The following SCPEP1 variants were observed in gnomAD, a reference collection of about 807,000 sequenced individuals.
The protein encoded by SCPEP1 is serine carboxypeptidase 1, also known as retinoid-inducible serine carboxypeptidase.
In SCPEP1, 51 loss-of-function variants were observed where a neutral mutation model predicts 63.8. The ratio of observed to expected loss-of-function variants is 0.80; its 90% CI spans 0.64 to 1.01. The LOEUF is 1.01. Among genes scored for constraint, SCPEP1 ranks in the 50% least tolerant of loss-of-function variants. SCPEP1 has a pLI of 0.00. For synonymous variants in SCPEP1, 204 were observed against 207.8 expected, an observed-to-expected ratio of 0.98 and a Z score of 0.16; for missense variants, 499 against 554.9, an observed-to-expected ratio of 0.90 and a Z score of 1.01.
At chr17:56,994,505 A>G (rs1353300095) in intron 6 of SCPEP1, among the ~76,000 whole-genome samples, 2 of 152,228 alleles carry the variant, frequency 1.3e-5, no homozygotes, top group Non-Finnish European at 2.9e-5. Context: ...AGCCATTTGC[A>G]CTGTTGCAAA....
At chr17:56,988,576 CAT>C (rs201920705) in intron 5 of SCPEP1, among the ~76,000 whole-genome samples, 1 of 151,846 alleles carries the variant, frequency 6.6e-6, no homozygotes, top group East Asian at 1.9e-4. Context: ...AACACACACA[CAT>C]ATATATGTAT....
rs1466175820 is a variant in SCPEP1 at position 56,991,156 on chromosome 17, T to C, written c.604T>C (p.Trp202Arg). The C allele has an allele frequency of 6.2e-7, 1 of 1,613,584 alleles. No homozygotes were observed. Among genetic ancestry groups the C allele is most frequent in the Non-Finnish European group, 8.5e-7 (1 of 1,179,478 alleles). ...NFAGVALGDS[W>R]ISPVDSVLSW... Reference sequence around the variant, plus strand: ...TGCGGGGGTTGCCTTGGGTGATTCCTGGATCTCCCCTGTTGGTAAGTGTGG... The same window carrying C: ...TGCGGGGGTTGCCTTGGGTGATTCCCGGATCTCCCCTGTTGGTAAGTGTGG... Residue 202 changes from tryptophan (W) to arginine (R), a missense_variant, in exon 6 of 13, where the codon TGG becomes CGG. Trp to Arg is a moderately radical substitution (Grantham distance 101). Coordinates refer to ENST00000262288, the MANE Select transcript of SCPEP1 (RefSeq NM_021626.3).
chr17:57,001,097 C>G, intron 11 of SCPEP1, 105 bp downstream of exon 11: 2 of 1,217,440 alleles, frequency 1.6e-6, no homozygotes, highest in Non-Finnish European at 2.4e-6. Context: ...GTTGAAATGC[C>G]AGGTGGAAGG....
At position 56,991,161 on chromosome 17, in the gene SCPEP1, C is replaced by T. The variant is rs775331427; in HGVS notation, c.609C>T (p.Ile203=). ...GGGTTGCCTTGGGTGATTCCTGGAT[C>T]TCCCCTGTTGGTAAGTGTGGCATTT... ...FAGVALGDSW[I]SPVDSVLSWG... Residue 203 remains isoleucine (I), a synonymous_variant, in exon 6 of 13, where the codon ATC becomes ATT. Coordinates refer to ENST00000262288, the MANE Select transcript of SCPEP1 (RefSeq NM_021626.3). The T allele has an allele frequency of 1.6e-5, 26 of 1,613,458 alleles. No homozygotes were observed. Among genetic ancestry groups the T allele is most frequent in the Non-Finnish European group, 2.2e-5 (26 of 1,179,520 alleles).
Position 56,988,305 on chromosome 17 carries a change from C to T in SCPEP1, c.546+15C>T. 1.9e-6 allele frequency: 3 copies of T among 1,593,242 alleles called. No individual in the cohort carries two copies. In the South Asian group the frequency reaches 3.4e-5, roughly 18 times the overall value. ...AGCTTTATAAGGTAATGGAAAATAA[C>T]TTTGTTGTTATGGTTTTGGACAGAA... On this transcript the variant is annotated intron_variant, in intron 5 of 12. Coordinates refer to ENST00000262288, the MANE Select transcript of SCPEP1 (RefSeq NM_021626.3).
intron 2 of SCPEP1, chr17:56,982,687 C>G (rs1248365268): frequency 6.6e-6 from 1 of 152,096 alleles, no homozygotes; most frequent in African/African-American, 2.4e-5. Context: ...CCTTGGCTGT[C>G]TAATCTGGGA....
In SCPEP1 at chr17:56,987,721, G is replaced by A; in HGVS notation, c.342G>A (p.Val114=). The part of the protein sequence containing the change: ...TWLQAASLLF[V]DNPVGTGFSY... ...TCCAGGCTGCCAGTCTCCTATTTGT[G>A]GATAATCCCGTGGGCACTGGGTTCA... The change falls in exon 4 of 13, where the codon GTG becomes GTA. Residue 114 remains valine, a synonymous_variant. Coordinates refer to ENST00000262288, the MANE Select transcript of SCPEP1 (RefSeq NM_021626.3). The A allele has an allele frequency of 6.2e-7, 1 of 1,613,888 alleles. No homozygotes were observed.
intron 9 of SCPEP1, chr17:56,997,933 G>A (rs1256322885): frequency 1.2e-5 from 2 of 162,100 alleles, no homozygotes; most frequent in African/African-American, 4.8e-5. Context: ...TCCTCCCGCT[G>A]GGGGTGAATC....
chr17:56,980,497 C>G (rs540185256), intron 1 of SCPEP1, among the ~76,000 whole-genome samples: 52 of 152,240 alleles, frequency 3.4e-4, no homozygotes, highest in African/African-American at 1.1e-3. Flanking sequence ...ATATAAATCT[C>G]TCTTGTTTTT....
chr17:57,000,865 C>CA lies in SCPEP1; in HGVS notation c.1007dup (p.Asn336LysfsTer16). 1 of 1,614,120 alleles carries CA rather than the reference C, an allele frequency of 6.2e-7. No individual in the cohort carries two copies. The highest frequency in any genetic ancestry group is 8.5e-7 in the Non-Finnish European group (1 of 1,180,044). ...CTTCCCCATGTGCAGGCCAGGCTAC[C>CA]AACGTCTTTGTGAACATGGAGGAGG... On this transcript the variant is annotated frameshift_variant, in exon 11 of 13. Transcript: ENST00000262288. LOFTEE classifies it high-confidence loss of function.
At chr17:56,997,421 A>G (rs940382038) in intron 9 of SCPEP1, among the ~76,000 whole-genome samples, 1 of 152,216 alleles carries the variant, frequency 6.6e-6, no homozygotes, top group Non-Finnish European at 1.5e-5. Context: ...ACATAGCATG[A>G]TGTTTTTGAA....
intron 3 of SCPEP1, among the ~76,000 whole-genome samples, chr17:56,986,067 C>T (rs997596263): frequency 6.6e-6 from 1 of 152,116 alleles, no homozygotes; most frequent in African/African-American, 2.4e-5. Context: ...CACCCTGGGG[C>T]TGCTGCACAG....
chr17:56,982,509 A>T (rs1309911437), intron 2 of SCPEP1, among the ~76,000 whole-genome samples: 1 of 152,178 alleles, frequency 6.6e-6, no homozygotes, highest in Non-Finnish European at 1.5e-5. Flanking sequence ...GAACCCTTGT[A>T]TGTCAGCCTG....
intron 5 of SCPEP1, among the ~76,000 whole-genome samples, chr17:56,990,601 T>C (rs1911365036): frequency 6.6e-6 from 1 of 152,236 alleles, no homozygotes; most frequent in South Asian, 2.1e-4. Context: ...CTCAACTTTC[T>C]ATTTCTGTAA....
chr17:57,004,160 T>C (rs1911819100), intron 12 of SCPEP1, among the ~76,000 whole-genome samples: 1 of 152,132 alleles, frequency 6.6e-6, no homozygotes, highest in East Asian at 1.9e-4. Context: ...GATAGTGCCA[T>C]TGCATCCAGC....
At chr17:56,987,555 C>G (rs2144482762) in intron 3 of SCPEP1, 140 bp from the exon 4 acceptor site, 1 of 638,290 alleles carries the variant, frequency 1.6e-6, no homozygotes, top group South Asian at 4.5e-5. Flanking sequence ...TTTTAAAAAT[C>G]TCTTTTAGCA....
chr17:56,997,760 TC>T (rs765062170), intron 9 of SCPEP1, among the ~76,000 whole-genome samples: 11 of 151,626 alleles, frequency 7.3e-5, no homozygotes, highest in Non-Finnish European at 1.0e-4. Flanking sequence ...ATCTATTTTT[TC>T]CCTTTTTTTT....
intron 11 of SCPEP1, 32 bp from the exon 12 acceptor site, chr17:57,001,986 T>C: frequency 6.3e-7 from 1 of 1,598,032 alleles, no homozygotes; most frequent in East Asian, 2.2e-5. Flanking sequence ...CAGCTGTTAA[T>C]GCCAGGCCTT....
chr17:56,980,996 G>C (rs1419726368), intron 1 of SCPEP1, 86 bp from the exon 2 acceptor site: 2 of 1,460,290 alleles, frequency 1.4e-6, no homozygotes, highest in Non-Finnish European at 1.9e-6. Context: ...ATCATCTCTA[G>C]CCTAGCATGG....
Sources: gnomAD v4.1 joint callset for allele counts (sites outside exome capture counted in the v4.1 genomes callset) on GRCh38, gnomAD v4.1.1 for gene constraint, MANE v1.5 for transcripts, NCBI Gene and HGNC (gene_info 2026-07-23, HGNC 2026-07-21) for gene names.